The following STXBP5L variants were observed in gnomAD, a reference collection of about 807,000 sequenced individuals.
STXBP5L encodes syntaxin binding protein 5L, also known as syntaxin-binding protein 5-like.
A neutral mutation model predicts 144.5 loss-of-function variants in STXBP5L; 65 were observed. The ratio of observed to expected loss-of-function variants is 0.45; its 90% CI spans 0.37 to 0.55. The LOEUF (loss-of-function observed/expected upper bound fraction) is 0.55, where lower values mean the gene tolerates loss of function less well. Ranked by LOEUF, STXBP5L falls within the 20% of genes least tolerant of loss-of-function variation. The pLI is 0.00. For synonymous variants in STXBP5L, 505 were observed against 469.6 expected (o/e 1.08, Z -0.97); for missense variants, 1,298 against 1,405.5 (o/e 0.92, Z 1.22).
At chr3:121,010,570 G>T (rs1020741454) in intron 3 of STXBP5L, among the ~76,000 whole-genome samples, 2 of 151,556 alleles carry the variant, frequency 1.3e-5, no homozygotes, top group Non-Finnish European at 2.9e-5. Flanking sequence ...CAACACGGGG[G>T]TTAGGGGAAC....
chr3:121,207,288 C>G (rs200089152), intron 10 of STXBP5L, among the ~76,000 whole-genome samples: 2 of 132,820 alleles, frequency 1.5e-5, no homozygotes, highest in Non-Finnish European at 3.1e-5. Flanking sequence ...TATGTAGAAA[C>G]CTGAAACTGG....
intron 3 of STXBP5L, among the ~76,000 whole-genome samples, chr3:121,034,570 A>T (rs1946623465): frequency 6.6e-6 from 1 of 151,920 alleles, no homozygotes; most frequent in East Asian, 1.9e-4. Flanking sequence ...CCATCCATCC[A>T]TCCATCTATC....
intron 10 of STXBP5L, among the ~76,000 whole-genome samples, chr3:121,207,208 C>T (rs1438011204): frequency 1.3e-5 from 2 of 151,988 alleles, no homozygotes; most frequent in Non-Finnish European, 2.9e-5. Flanking sequence ...CTTTGACAAA[C>T]CTGACAAAAA....
chr3:121,153,450 T>C (rs188744101), intron 8 of STXBP5L, among the ~76,000 whole-genome samples: 7 of 152,068 alleles, frequency 4.6e-5, no homozygotes, highest in African/African-American at 1.7e-4. Context: ...TAATCTTATA[T>C]AGGAAAAGTG....
intron 3 of STXBP5L, among the ~76,000 whole-genome samples, chr3:121,013,472 G>C (rs542933126): frequency 6.6e-6 from 1 of 152,062 alleles, no homozygotes; most frequent in Admixed American, 6.6e-5. Context: ...TTATATGTTT[G>C]TTGGGTGCTT....
intron 2 of STXBP5L, among the ~76,000 whole-genome samples, chr3:120,933,671 A>G (rs1221241801): frequency 6.6e-6 from 1 of 152,144 alleles, no homozygotes; most frequent in African/African-American, 2.4e-5. Flanking sequence ...TAAAAATTGT[A>G]TTTACTTGCT....
At chr3:121,384,389 C>A (rs373420767) in intron 22 of STXBP5L, among the ~76,000 whole-genome samples, 2 of 152,012 alleles carry the variant, frequency 1.3e-5, no homozygotes, top group East Asian at 3.9e-4. Context: ...AGAGGCTGGG[C>A]GCAGTGGCTC....
chr3:121,012,117 A>C (rs886589129), intron 3 of STXBP5L, among the ~76,000 whole-genome samples: 1 of 151,938 alleles, frequency 6.6e-6, no homozygotes, highest in African/African-American at 2.4e-5. Flanking sequence ...TAATGTTTGC[A>C]AAGTTTATGC....
chr3:121,334,407 C>A (rs1369555375), intron 20 of STXBP5L, among the ~76,000 whole-genome samples: 1 of 151,706 alleles, frequency 6.6e-6, no homozygotes. Flanking sequence ...AGGTCAGCAT[C>A]ATCCTGATAT....
At chr3:121,179,836 C>T (rs1046357866) in intron 9 of STXBP5L, among the ~76,000 whole-genome samples, 1 of 152,018 alleles carries the variant, frequency 6.6e-6, no homozygotes, top group Non-Finnish European at 1.5e-5. Flanking sequence ...GAAGAAAGAA[C>T]TTCAGAGCTT....
chr3:120,964,696 T>C (rs1467882445), intron 3 of STXBP5L, among the ~76,000 whole-genome samples: 1 of 152,220 alleles, frequency 6.6e-6, no homozygotes, highest in East Asian at 1.9e-4. Context: ...TCCAATTATG[T>C]GGCCAATTTT....
At chr3:121,112,118 G>T (rs1328204477) in intron 5 of STXBP5L, among the ~76,000 whole-genome samples, 4 of 151,940 alleles carry the variant, frequency 2.6e-5, no homozygotes. Flanking sequence ...CTGCATTTAT[G>T]GCTGCCACCC....
chr3:121,003,494 C>T (rs1192939791), intron 3 of STXBP5L, among the ~76,000 whole-genome samples: 80 of 152,240 alleles, frequency 5.3e-4, no homozygotes, highest in Middle Eastern at 3.4e-3. Flanking sequence ...TTCTCCCATG[C>T]TCTAGGTTGC....
At chr3:121,060,092 G>A (rs1478290245) in intron 5 of STXBP5L, among the ~76,000 whole-genome samples, 5 of 152,126 alleles carry the variant, frequency 3.3e-5, no homozygotes, top group Non-Finnish European at 7.4e-5. Context: ...CATTCAGTAT[G>A]ATATTGGCTG....
At chr3:121,032,123 T>A (rs1946412567) in intron 3 of STXBP5L, among the ~76,000 whole-genome samples, 1 of 151,978 alleles carries the variant, frequency 6.6e-6, no homozygotes, top group South Asian at 2.1e-4. Flanking sequence ...ATAATGGTAA[T>A]TGAAGGCTGA....
chr3:120,954,416 A>T (rs1244617439), intron 2 of STXBP5L, among the ~76,000 whole-genome samples: 1 of 152,118 alleles, frequency 6.6e-6, no homozygotes, highest in African/African-American at 2.4e-5. Context: ...CTGATTTTAT[A>T]AACTTGTGTA....
intron 2 of STXBP5L, chr3:120,924,595 T>C (rs1709514827): frequency 6.6e-6 from 1 of 152,614 alleles, no homozygotes; most frequent in Non-Finnish European, 1.5e-5. Context: ...GTGAGATCCT[T>C]TGGGAGAATG....
At chr3:121,262,010 C>A (rs1254054347) in intron 18 of STXBP5L, among the ~76,000 whole-genome samples, 11 of 152,292 alleles carry the variant, frequency 7.2e-5, no homozygotes, top group Non-Finnish European at 2.9e-5. Context: ...AATATAGCAC[C>A]TTCTAGCTTT....
At chr3:121,111,344 T>C (rs1186733441) in intron 5 of STXBP5L, among the ~76,000 whole-genome samples, 1 of 152,230 alleles carries the variant, frequency 6.6e-6, no homozygotes, top group African/African-American at 2.4e-5. Flanking sequence ...TCAGTGTTTT[T>C]TCATTGATTC....
Sources: allele counts gnomAD v4.1 joint callset (sites outside exome capture counted in the v4.1 genomes callset), GRCh38; gene constraint gnomAD v4.1.1; transcripts MANE v1.5; gene names NCBI Gene and HGNC (gene_info 2026-07-23, HGNC 2026-07-21).